LDHC: variants seen among roughly 807,000 people sequenced by gnomAD.
LDHC encodes lactate dehydrogenase C, also known as L-lactate dehydrogenase C chain.
In LDHC, 20 loss-of-function variants were observed where a neutral mutation model predicts 30.2. The observed-to-expected ratio is 0.66, with a 90% confidence interval of 0.47 to 0.96. LDHC has a LOEUF of 0.96. Among genes scored for constraint, LDHC ranks in the 40% least tolerant of loss-of-function variants. The pLI is 0.00. For missense variants in LDHC, 362 were observed against 394.9 expected (o/e 0.92, Z 0.71); for synonymous variants, 139 against 132.7 (o/e 1.05, Z -0.32).
At chr11:18,422,229 A>G (rs73436685) in intron 3 of LDHC, among the ~76,000 whole-genome samples, 22,836 of 151,374 alleles carry the variant, frequency 0.15, 1,990 homozygotes, top group African/African-American at 0.22. Context: ...TATAAAACTA[A>G]AAGTTTAGCA....
At chr11:18,450,520 A>G in intron 7 of LDHC, 1 of 157,090 alleles carries the variant, frequency 6.4e-6, no homozygotes, top group Non-Finnish European at 1.4e-5. Context: ...CCATTGTCCA[A>G]ACTCAATGAT....
At chr11:18,432,719 C>A (rs2043485892) in intron 4 of LDHC, among the ~76,000 whole-genome samples, 2 of 152,152 alleles carry the variant, frequency 1.3e-5, no homozygotes, top group African/African-American at 4.8e-5. Context: ...TATAATGTCC[C>A]TCTTTGTCTC....
intron 7 of LDHC, 63 bp from the exon 8 acceptor site, chr11:18,450,900 C>G: frequency 8.3e-7 from 1 of 1,211,616 alleles, no homozygotes; most frequent in Non-Finnish European, 1.2e-6. Context: ...CATTTTGATG[C>G]CCTTTTGCAT....
At chr11:18,445,102 CATTTATTATTG>C (rs1297854069) in intron 6 of LDHC, among the ~76,000 whole-genome samples, 2 of 151,906 alleles carry the variant, frequency 1.3e-5, no homozygotes, top group African/African-American at 4.8e-5. Context: ...TTTCCATATT[CATTTATTATTG>C]ATTTAGTGAT....
chr11:18,419,902 G>A (rs1020299511), intron 3 of LDHC, among the ~76,000 whole-genome samples: 7 of 152,226 alleles, frequency 4.6e-5, no homozygotes, highest in Middle Eastern at 3.4e-3. Context: ...GATCAGCTTG[G>A]CCAACATGGT....
intron 3 of LDHC, among the ~76,000 whole-genome samples, chr11:18,424,864 T>C (rs1848133387): frequency 6.6e-6 from 1 of 151,910 alleles, no homozygotes; most frequent in Non-Finnish European, 1.5e-5. Context: ...AAAAATTAGC[T>C]GGGTGTGGTG....
At chr11:18,430,018 C>A in intron 4 of LDHC, 108 bp downstream of exon 4, 2 of 658,000 alleles carry the variant, frequency 3.0e-6, no homozygotes, top group Non-Finnish European at 5.2e-6. Context: ...AAATTGCACT[C>A]GTTTAAAGTA....
At chr11:18,448,535 G>A (rs2403298) in intron 7 of LDHC, among the ~76,000 whole-genome samples, 76,721 of 151,926 alleles carry the variant, frequency 0.5, 20,818 homozygotes, top group South Asian at 0.63. Context: ...CAACCACCTC[G>A]GCTTCCCAAA....
intron 4 of LDHC, among the ~76,000 whole-genome samples, chr11:18,432,672 G>A (rs1012852878): frequency 2.0e-5 from 3 of 152,170 alleles, no homozygotes; most frequent in Admixed American, 1.3e-4. Flanking sequence ...GTTTAGGACT[G>A]TGATATTTTC....
In LDHC at chr11:18,442,601, G is replaced by A. The variant is rs74760173; in HGVS notation, c.711-3609G>A. Among the ~76,000 whole-genome samples, 473 of 149,178 alleles carry A rather than the reference G, an allele frequency of 3.2e-3. 8 individuals carry two copies. The highest frequency in any genetic ancestry group is 0.029 in the East Asian group (148 of 5,088). On this transcript the variant is annotated intron_variant, in intron 6 of 7. Coordinates refer to ENST00000541669, the MANE Select transcript of LDHC (RefSeq NM_017448.5). The stretch of plus-strand genomic sequence containing the variant: ...CCCTCTATCATTTACTATCACTTGC[G>A]TCTTATTAAAGGTATTGATACACGC...
chr11:18,414,434 A>G lies in LDHC; in HGVS notation c.127-750A>G, dbSNP rs539257574. Among the ~76,000 whole-genome samples, 39 of 152,322 alleles carry G rather than the reference A, an allele frequency of 2.6e-4. No individual in the cohort carries two copies. The South Asian group carries it at 7.2e-3, about 28-fold the overall frequency. ...AAGGGACACTAGACAGATGAAAACA[A>G]TAAGTGTTCATCAGAGGTGGTTACC... On this transcript the variant is annotated intron_variant, in intron 2 of 7. Transcript: ENST00000541669.
rs535219610 is a variant in LDHC at position 18,448,224 on chromosome 11, G to C, written c.834+1891G>C. ...AATGAGTAATCAGTGAAGAAACTGA[G>C]TAATATGGGAATTTAATAGCCTTTA... On this transcript the variant is annotated intron_variant, in intron 7 of 7. Coordinates refer to ENST00000541669, the MANE Select transcript of LDHC (RefSeq NM_017448.5). Among the ~76,000 whole-genome samples, 33 of 152,150 alleles carry C rather than the reference G, an allele frequency of 2.2e-4. No homozygotes were observed. In the South Asian group the frequency reaches 3.5e-3, roughly 16 times the overall value.
chr11:18,427,869 G>C (rs1023533497), intron 3 of LDHC, among the ~76,000 whole-genome samples: 4 of 151,906 alleles, frequency 2.6e-5, no homozygotes, highest in African/African-American at 7.3e-5. Context: ...TAGAGATGGG[G>C]TTTCACCATG....
intron 6 of LDHC, 88 bp downstream of exon 6, chr11:18,438,733 C>CT (rs1554964661): frequency 1.5e-6 from 1 of 662,870 alleles, no homozygotes; most frequent in Non-Finnish European, 2.7e-6. Context: ...TTGATCCTTG[C>CT]TTTTTGTGAG....
At chr11:18,421,559 G>A (rs1848051463) in intron 3 of LDHC, among the ~76,000 whole-genome samples, 1 of 152,008 alleles carries the variant, frequency 6.6e-6, no homozygotes, top group Admixed American at 6.6e-5. Flanking sequence ...TATAATCCCA[G>A]CTACTCAGGA....
intron 3 of LDHC, 101 bp from the exon 4 acceptor site, chr11:18,429,636 C>T (rs1309340488): frequency 3.4e-6 from 2 of 594,460 alleles, no homozygotes; most frequent in Non-Finnish European, 5.6e-6. Flanking sequence ...TACATGGATA[C>T]TTTAATATAA....
At chr11:18,434,676 AG>A (rs1848324713) in intron 4 of LDHC, 63 bp from the exon 5 acceptor site, 1 of 946,978 alleles carries the variant, frequency 1.1e-6, no homozygotes, top group African/African-American at 1.6e-5. Context: ...CTATGTATTC[AG>A]GAAAAAAAAA....
chr11:18,445,142 T>C (rs1033958842), intron 6 of LDHC, among the ~76,000 whole-genome samples: 1 of 152,206 alleles, frequency 6.6e-6, no homozygotes, highest in Non-Finnish European at 1.5e-5. Flanking sequence ...AGGAAAGATA[T>C]ATACACACAG....
chr11:18,447,560 A>T (rs953448705), intron 7 of LDHC, among the ~76,000 whole-genome samples: 4 of 152,186 alleles, frequency 2.6e-5, no homozygotes, highest in Non-Finnish European at 4.4e-5. Flanking sequence ...TGGATTATTC[A>T]TATGTATATT....
Sources: gnomAD v4.1 joint callset for allele counts (sites outside exome capture counted in the v4.1 genomes callset) on GRCh38, gnomAD v4.1.1 for gene constraint, MANE v1.5 for transcripts, NCBI Gene and HGNC (gene_info 2026-07-23, HGNC 2026-07-21) for gene names.